Variants in PHACTR3 observed in about 807,000 individuals in gnomAD.
PHACTR3 encodes the protein phosphatase and actin regulator 3.
In PHACTR3, 16 loss-of-function variants were observed where a neutral mutation model predicts 66.8. The observed-to-expected ratio is 0.24, with a 90% CI of 0.16 to 0.36. The LOEUF (loss-of-function observed/expected upper bound fraction) is 0.36, where lower values mean the gene tolerates loss of function less well. PHACTR3 is among the 10% of genes least tolerant of loss of function. PHACTR3 has a pLI of 1.00. For synonymous variants in PHACTR3, 323 were observed against 292.1 expected, an observed-to-expected ratio of 1.11 and a Z score of -1.08; for missense variants, 647 against 719.9, an observed-to-expected ratio of 0.90 and a Z score of 1.16.
chr20:59,743,083 AC>A lies in PHACTR3; in HGVS notation c.119-19del, dbSNP rs761089755. On this transcript the variant is annotated intron_variant, in intron 1 of 12. Coordinates refer to ENST00000371015, the MANE Select transcript of PHACTR3 (RefSeq NM_080672.5). ...ACATAGGTTTGGTGGCCACTTGAGG[AC>A]CCCCTTGGTTTTCGTCTTCCAGATG... 5 of 1,602,580 alleles carry A rather than the reference AC, an allele frequency of 3.1e-6. No individual in the cohort carries two copies. In the African/African-American group the frequency reaches 5.4e-5, roughly 17 times the overall value.
rs1350380149 is a variant in PHACTR3 at position 59,754,224 on chromosome 20, G to T, written c.359-958G>T. Among the ~76,000 whole-genome samples, 3 of 152,184 alleles carry T rather than the reference G, an allele frequency of 2.0e-5. No individual in the cohort carries two copies. In the East Asian group the frequency reaches 5.8e-4, roughly 29 times the overall value. On this transcript the variant is annotated intron_variant, in intron 3 of 12. Coordinates refer to ENST00000371015, the MANE Select transcript of PHACTR3 (RefSeq NM_080672.5). ...CAAGTGCTGAGCCCCTCAGCATTAA[G>T]GTGCAAACCCAGGGATGGCAAGTGA... is the stretch of plus-strand genomic sequence containing the variant.
At position 59,605,141 on chromosome 20, in the gene PHACTR3, C is replaced by T. The variant is rs968160880; in HGVS notation, c.118+9C>T. On this transcript the variant is annotated intron_variant, in intron 1 of 12. Transcript: ENST00000371015. ...CGCCGGGGAGAACCCAGGTAACGGG[C>T]TGGGCGGGGGCGGCGGGCGGGTCGG... 390 of 469,944 alleles carry T rather than the reference C, an allele frequency of 8.3e-4. No homozygotes were observed. Among genetic ancestry groups the T allele is most frequent in the Non-Finnish European group, 1.2e-3 (356 of 303,348 alleles). The allele number at this position is 469,944 out of a possible 1,614,324, so 29.1% of individuals were successfully genotyped here. A position where few individuals can be genotyped will look rare whatever the true frequency, so the allele number is the denominator to read the frequency against.
chr20:59,688,960 A>G (rs1415226978), intron 1 of PHACTR3, among the ~76,000 whole-genome samples: 2 of 152,156 alleles, frequency 1.3e-5, no homozygotes, highest in Non-Finnish European at 1.5e-5. Context: ...GGTGGTGCTC[A>G]TATCTCAGGC....
Position 59,771,360 on chromosome 20 carries a change from TG to T in PHACTR3, c.752-1915del, listed in dbSNP as rs1250125587. Among the ~76,000 whole-genome samples the T allele has an allele frequency of 7.2e-5, 11 of 152,138 alleles. No homozygotes were observed. In the East Asian group the frequency reaches 2.1e-3, roughly 29 times the overall value. ...AGCAGCCTGGGGAGGCTGAGGCCAGTGGGGAGAGGACAGCGCAGTGTGCAGA... is the reference window on the plus strand; with the variant it reads ...AGCAGCCTGGGGAGGCTGAGGCCAGTGGGAGAGGACAGCGCAGTGTGCAGA... On this transcript the variant is annotated intron_variant, in intron 5 of 12. Coordinates refer to ENST00000371015, the MANE Select transcript of PHACTR3 (RefSeq NM_080672.5).
intron 8 of PHACTR3, among the ~76,000 whole-genome samples, chr20:59,834,282 T>G (rs1364998610): frequency 6.6e-6 from 1 of 152,210 alleles, no homozygotes; most frequent in East Asian, 1.9e-4. Flanking sequence ...AGCCCTTCTG[T>G]GGGCAGCATG....
chr20:59,618,255 G>A (rs78870740), intron 1 of PHACTR3, among the ~76,000 whole-genome samples: 2,942 of 152,276 alleles, frequency 0.019, 100 homozygotes, highest in African/African-American at 0.067. Context: ...CCAGACGGTT[G>A]GGGCCTCCTG....
rs1191413200 is a variant in PHACTR3, at chr20:59,847,617, T to C, written c.*487T>C. The C allele has an allele frequency of 6.5e-6, 1 of 152,862 alleles. No homozygotes were observed. Among genetic ancestry groups the C allele is most frequent in the Non-Finnish European group, 1.5e-5 (1 of 68,170 alleles). 9.5% of individuals were successfully genotyped at this position (152,862 alleles called of 1,614,324 possible). ...GATTTACTGTATTATACTTTTCCTT[T>C]TTTATATAATGTCTAACAAAAAATA... On this transcript the variant is annotated 3_prime_UTR_variant, in exon 13 of 13. Coordinates refer to ENST00000371015, the MANE Select transcript of PHACTR3 (RefSeq NM_080672.5).
rs372825850 is a variant in PHACTR3 at position 59,762,937 on chromosome 20, A to G, written c.542-4249A>G. Among the ~76,000 whole-genome samples the G allele has an allele frequency of 1.5e-4, 23 of 152,342 alleles. No individual in the cohort carries two copies. The East Asian group carries it at 2.1e-3, about 14-fold the overall frequency. ...ACAGGGTGGAGAGGACAAGAGAAGG[A>G]TGGCGTGGGGCATCTGGTCTGGCTG... On this transcript the variant is annotated intron_variant, in intron 4 of 12. Transcript: ENST00000371015.
At chr20:59,701,787 T>G (rs1490841448) in intron 1 of PHACTR3, among the ~76,000 whole-genome samples, 1 of 152,228 alleles carries the variant, frequency 6.6e-6, no homozygotes, top group Non-Finnish European at 1.5e-5. Context: ...TTCTACGGGT[T>G]TTGACAAATG....
chr20:59,711,630 T>C (rs988490979), intron 1 of PHACTR3, among the ~76,000 whole-genome samples: 4 of 152,200 alleles, frequency 2.6e-5, no homozygotes, highest in African/African-American at 9.7e-5. Flanking sequence ...AAAACACTTA[T>C]GTTAGCCTAC....
chr20:59,591,526 C>CGCTTT (rs2033181935), intron 1 of PHACTR3, among the ~76,000 whole-genome samples: 1 of 152,112 alleles, frequency 6.6e-6, no homozygotes, highest in South Asian at 2.1e-4. Flanking sequence ...GACCAGGGAC[C>CGCTTT]GCTTTGTGGC....
intron 1 of PHACTR3, among the ~76,000 whole-genome samples, chr20:59,587,785 G>A (rs1413144724): frequency 2.6e-5 from 4 of 152,206 alleles, no homozygotes; most frequent in South Asian, 2.1e-4. Context: ...GCCTGGGCCC[G>A]GGTCATTTTG....
At chr20:59,593,763 T>C (rs1296629233) in intron 1 of PHACTR3, among the ~76,000 whole-genome samples, 8 of 152,242 alleles carry the variant, frequency 5.3e-5, no homozygotes, top group Non-Finnish European at 1.0e-4. Flanking sequence ...AAGACTTTCT[T>C]TTCTCCATTA....
intron 1 of PHACTR3, among the ~76,000 whole-genome samples, chr20:59,583,662 C>T (rs918791096): frequency 6.6e-6 from 1 of 152,182 alleles, no homozygotes; most frequent in Admixed American, 6.5e-5. Flanking sequence ...ACTTCGGTAG[C>T]GGTTTATTTT....
At chr20:59,645,362 A>G (rs1381099550) in intron 1 of PHACTR3, among the ~76,000 whole-genome samples, 2 of 152,004 alleles carry the variant, frequency 1.3e-5, no homozygotes, top group Non-Finnish European at 2.9e-5. Flanking sequence ...CTCTTGTGGA[A>G]TCATGAGGGA....
chr20:59,647,462 T>G (rs561000730), intron 1 of PHACTR3, among the ~76,000 whole-genome samples: 24 of 152,010 alleles, frequency 1.6e-4, no homozygotes, highest in East Asian at 7.8e-4. Context: ...CCCCCTGAGG[T>G]TGGGGAGGGT....
intron 1 of PHACTR3, among the ~76,000 whole-genome samples, chr20:59,675,289 C>G (rs1383566698): frequency 6.6e-6 from 1 of 151,848 alleles, no homozygotes; most frequent in African/African-American, 2.4e-5. Context: ...ATCACACCAT[C>G]CCTGGGGAAG....
At chr20:59,721,906 G>A (rs977401766) in intron 1 of PHACTR3, among the ~76,000 whole-genome samples, 2 of 151,196 alleles carry the variant, frequency 1.3e-5, no homozygotes, top group East Asian at 1.9e-4. Context: ...TACACAAGAC[G>A]ACGTCAAAGA....
At chr20:59,741,983 G>A (rs1014713381) in intron 1 of PHACTR3, among the ~76,000 whole-genome samples, 38 of 152,116 alleles carry the variant, frequency 2.5e-4, no homozygotes, top group African/African-American at 8.4e-4. Flanking sequence ...GGCTGGTCTC[G>A]AACTCCTGAC....
Sources: gnomAD v4.1 joint callset for allele counts (sites outside exome capture counted in the v4.1 genomes callset) on GRCh38, gnomAD v4.1.1 for gene constraint, MANE v1.5 for transcripts, NCBI Gene and HGNC (gene_info 2026-07-23, HGNC 2026-07-21) for gene names.